TAMM41: variants seen among roughly 807,000 people sequenced by gnomAD.
TAMM41 encodes the protein phosphatidate cytidylyltransferase, mitochondrial.
Under a neutral mutation model 44.1 loss-of-function variants are expected in TAMM41, and 36 were observed. The observed-to-expected ratio is 0.82, with a 90% confidence interval of 0.63 to 1.08. The LOEUF is 1.08. Ranked by LOEUF, TAMM41 falls within the 50% of genes least tolerant of loss-of-function variation. TAMM41 has a pLI of 0.00. For missense variants in TAMM41, 417 were observed against 404.3 expected (o/e 1.03, Z -0.27); for synonymous variants, 164 against 153.1 (o/e 1.07, Z -0.53).
At chr3:11,807,497 G>T in intron 7 of TAMM41, 1 of 1,536,080 alleles carries the variant, frequency 6.5e-7, no homozygotes, top group Non-Finnish European at 8.7e-7. Context: ...GAAGAGGAGG[G>T]GGAGCACAGA....
chr3:11,724,405 TTTTTTA>T, the TAMM41 span, among the ~76,000 whole-genome samples: 5 of 139,762 alleles, frequency 3.6e-5, no homozygotes, highest in Middle Eastern at 4.7e-3. Context: ...ACCTGGCCTA[TTTTTTA>T]TTTTTATTTT....
the TAMM41 span, among the ~76,000 whole-genome samples, chr3:11,724,009 G>A: frequency 4.7e-4 from 71 of 150,856 alleles, no homozygotes; most frequent in Non-Finnish European, 9.2e-4. Flanking sequence ...GATGGGGGGG[G>A]GTGACACTAC....
At chr3:11,765,115 C>A in the TAMM41 span, among the ~76,000 whole-genome samples, 5 of 152,150 alleles carry the variant, frequency 3.3e-5, no homozygotes, top group African/African-American at 9.7e-5. Flanking sequence ...TGAAACCAAG[C>A]CTTTGTTCTC....
the TAMM41 span, among the ~76,000 whole-genome samples, chr3:11,752,337 G>C: frequency 6.6e-6 from 1 of 152,118 alleles, no homozygotes; most frequent in Non-Finnish European, 1.5e-5. Context: ...CCACAGCATG[G>C]AAGGGGACCC....
intron 5 of TAMM41, 91 bp from the exon 6 acceptor site, chr3:11,809,773 C>G: frequency 7.4e-7 from 1 of 1,358,174 alleles, no homozygotes. Flanking sequence ...AAAAATCACA[C>G]AAACATATAT....
the TAMM41 span, among the ~76,000 whole-genome samples, chr3:11,747,467 T>C: frequency 6.6e-6 from 1 of 152,180 alleles, no homozygotes; most frequent in South Asian, 2.1e-4. Flanking sequence ...ACTTAAAATA[T>C]ATCTAAATTA....
At chr3:11,784,235 C>T in the TAMM41 span, among the ~76,000 whole-genome samples, 3 of 152,206 alleles carry the variant, frequency 2.0e-5, no homozygotes, top group African/African-American at 7.2e-5. Context: ...TGGCTCATGC[C>T]TGTAATTCTG....
intron 5 of TAMM41, chr3:11,810,194 A>AT (rs1346828638): frequency 6.6e-6 from 1 of 152,462 alleles, no homozygotes; most frequent in Non-Finnish European, 1.5e-5. Context: ...GAATACACTG[A>AT]TGACAGAAAC....
At chr3:11,734,905 C>T in the TAMM41 span, among the ~76,000 whole-genome samples, 1,093 of 131,850 alleles carry the variant, frequency 8.3e-3, 21 homozygotes, top group African/African-American at 0.039. Flanking sequence ...AAAAATTAGC[C>T]AGGTGTGGTG....
In TAMM41 at chr3:11,844,153, T is replaced by G; in HGVS notation, c.194A>C (p.Asn65Thr). Residue 65 changes from asparagine (N) to threonine (T), a missense_variant, in exon 2 of 8, where the codon AAC becomes ACC. Asn to Thr is a moderately conservative substitution (Grantham distance 65, BLOSUM62 0). Coordinates refer to ENST00000455809, the MANE Select transcript of TAMM41 (RefSeq NM_001284401.2). The part of the protein sequence containing the change: ...VDDPVAWHSK[N>T]LKKNWSHYSF... ...GTAGTGACTCCAATTTTTCTTCAGG[T>G]TCTTTGAATGCCATGCGACAGGGTC... 1 of 1,614,232 alleles carries G rather than the reference T, an allele frequency of 6.2e-7. No individual in the cohort carries two copies. Among genetic ancestry groups the G allele is most frequent in the South Asian group, 1.1e-5 (1 of 91,088 alleles).
chr3:11,807,160 G>C (rs915829184), intron 7 of TAMM41: 4 of 1,320,360 alleles, frequency 3.0e-6, no homozygotes, highest in Non-Finnish European at 3.8e-6. Context: ...CCCTAGAGGG[G>C]ACAGCGAAGA....
the TAMM41 span, chr3:11,724,796 C>T: frequency 6.6e-6 from 1 of 152,192 alleles, no homozygotes; most frequent in Non-Finnish European, 1.5e-5. Context: ...GTAGGAAGGA[C>T]GCGTTGTGGC....
At chr3:11,748,984 C>T in the TAMM41 span, among the ~76,000 whole-genome samples, 1 of 143,120 alleles carries the variant, frequency 7.0e-6, no homozygotes, top group Non-Finnish European at 1.5e-5. Context: ...GCCATCTTGG[C>T]TCACTGCAAC....
At chr3:11,754,463 T>A in the TAMM41 span, among the ~76,000 whole-genome samples, 1 of 152,086 alleles carries the variant, frequency 6.6e-6, no homozygotes, top group South Asian at 2.1e-4. Context: ...AGCCTCGACC[T>A]CCTGGATTAA....
rs73813056 is a variant in TAMM41 at position 11,817,414 on chromosome 3, T to C, written c.563-77A>G. Reference sequence around the variant, plus strand: ...GACCTATGAACGACGCTCCCCACACTGATACCGCACGGGTTCACTCTGGCA... The same window carrying C: ...GACCTATGAACGACGCTCCCCACACCGATACCGCACGGGTTCACTCTGGCA... On this transcript the variant is annotated intron_variant, in intron 4 of 7. Coordinates refer to ENST00000455809, the MANE Select transcript of TAMM41 (RefSeq NM_001284401.2). 1.8e-3 allele frequency: 2,586 copies of C among 1,460,804 alleles called. 14 individuals carry two copies. The highest frequency in any genetic ancestry group is 0.013 in the Middle Eastern group (54 of 4,124). The allele number at this position is 1,460,804 out of a possible 1,614,324, so 90.5% of individuals were successfully genotyped here.
chr3:11,793,059 C>CAAAAAAAAAAA (rs61264653), intron 7 of TAMM41, among the ~76,000 whole-genome samples: 8 of 65,124 alleles, frequency 1.2e-4, no homozygotes, highest in African/African-American at 5.4e-4. Context: ...GGCCCCATCT[C>CAAAAAAAAAAA]AAAAAAAAAA....
chr3:11,832,008 T>C (rs370436276), intron 3 of TAMM41, among the ~76,000 whole-genome samples: 9 of 152,308 alleles, frequency 5.9e-5, no homozygotes, highest in East Asian at 1.9e-4. Flanking sequence ...TTGCCTACAG[T>C]TGCATAATGA....
At chr3:11,809,132 T>C (rs1213247550) in intron 6 of TAMM41, 8 of 288,884 alleles carry the variant, frequency 2.8e-5, no homozygotes, top group Non-Finnish European at 3.3e-5. Context: ...TCAAATGGAG[T>C]TGATTGAGGA....
intron 7 of TAMM41, among the ~76,000 whole-genome samples, chr3:11,805,501 A>G (rs1036411630): frequency 6.6e-6 from 1 of 151,562 alleles, no homozygotes; most frequent in Non-Finnish European, 1.5e-5. Flanking sequence ...TGAACTCTTG[A>G]GCCCAAGCAA....
Sources: gnomAD v4.1 joint callset for allele counts (sites outside exome capture counted in the v4.1 genomes callset) on GRCh38, gnomAD v4.1.1 for gene constraint, MANE v1.5 for transcripts, NCBI Gene and HGNC (gene_info 2026-07-23, HGNC 2026-07-21) for gene names.